Variants in STAG2 observed in about 807,000 individuals in gnomAD.
STAG2 encodes the protein STAG2 cohesin complex component.
In STAG2, 14 loss-of-function variants were observed where a neutral mutation model predicts 108.1. That is an observed-to-expected ratio of 0.13 (90% confidence interval 0.09 to 0.20). The LOEUF (loss-of-function observed/expected upper bound fraction) is 0.20, where lower values mean the gene tolerates loss of function less well. STAG2 is among the 10% of genes least tolerant of loss of function. The pLI is 1.00. For synonymous variants in STAG2, 307 were observed against 302.7 expected (o/e 1.01, Z -0.15); for missense variants, 440 against 940.9 (o/e 0.47, Z 6.96).
chrX:124,010,054 C>T (rs1335034054), intron 1 of STAG2, among the ~76,000 whole-genome samples: 2 of 111,045 alleles, frequency 1.8e-5, no homozygotes, highest in Non-Finnish European at 3.8e-5. Flanking sequence ...CTTAAATGAT[C>T]GATGATTTAA....
At chrX:124,050,781 A>G (rs1255657761) in intron 11 of STAG2, among the ~76,000 whole-genome samples, 2 of 111,831 alleles carry the variant, frequency 1.8e-5, no homozygotes, top group African/African-American at 6.5e-5. Context: ...TGCCTTGAAG[A>G]AATTGATTGT....
chrX:124,036,426 C>T (rs1307053672), intron 5 of STAG2, among the ~76,000 whole-genome samples: 2 of 111,650 alleles, frequency 1.8e-5, no homozygotes, highest in African/African-American at 6.5e-5. Context: ...GCTCTCTTGC[C>T]CAGGCGGGAG....
intron 1 of STAG2, among the ~76,000 whole-genome samples, chrX:123,970,797 C>G (rs1410442037): frequency 8.9e-6 from 1 of 112,122 alleles, no homozygotes; most frequent in Non-Finnish European, 1.9e-5. Context: ...TAACTGAACT[C>G]TTACCATATG....
At chrX:123,961,177 C>CT (rs1436765268), upstream of STAG2, 4 of 107,304 alleles carry the variant, frequency 3.7e-5, no homozygotes. Flanking sequence ...TCCAGCCCCC[C>CT]TTCCTCCCTA....
At chrX:124,081,042 C>T (rs1394330232) in intron 27 of STAG2, among the ~76,000 whole-genome samples, 1 of 110,781 alleles carries the variant, frequency 9.0e-6, no homozygotes, top group African/African-American at 3.3e-5. Context: ...AAAGATTCAC[C>T]ACTTAAACGT....
At position 124,090,866 on chromosome X, in the gene STAG2, A is replaced by G. The variant is rs1232186001; in HGVS notation, c.3480A>G (p.Thr1160=). 3.3e-6 allele frequency: 4 copies of G among 1,211,273 alleles called. No individual in the cohort carries two copies. The highest frequency in any genetic ancestry group is 4.5e-6 in the Non-Finnish European group (4 of 894,964). The change falls in exon 32 of 35, where the codon ACA becomes ACG. Residue 1160 remains threonine (T), a synonymous_variant. Coordinates refer to ENST00000371145, the MANE Select transcript of STAG2 (RefSeq NM_001042750.2). ...ATTCTCCTTGAAGCACGCAGGTAAC[A>G]TGGATGTTAGCTCAAAGACAACAAG... ...QTPLDYNTQV[T]WMLAQRQQEE...
chrX:124,082,912 T>G (rs1467565482), intron 28 of STAG2, among the ~76,000 whole-genome samples: 1 of 111,100 alleles, frequency 9.0e-6, no homozygotes, highest in African/African-American at 3.3e-5. Flanking sequence ...AGTTATAATG[T>G]TGGGTTGTTA....
intron 25 of STAG2, 117 bp from the exon 26 acceptor site, chrX:124,076,215 T>G (rs1281977995): frequency 2.8e-6 from 2 of 721,193 alleles, no homozygotes; most frequent in African/African-American, 2.2e-5. Flanking sequence ...AATTTTAATT[T>G]TAATGTTTTT....
At chrX:123,992,553 C>T (rs750717927) in intron 1 of STAG2, among the ~76,000 whole-genome samples, 35 of 109,888 alleles carry the variant, frequency 3.2e-4, no homozygotes, top group Middle Eastern at 4.7e-3. Flanking sequence ...CTGTGTTTTT[C>T]TTGGAGACAG....
intron 27 of STAG2, 104 bp from the exon 28 acceptor site, chrX:124,081,276 C>T: frequency 1.9e-6 from 1 of 525,286 alleles, no homozygotes; most frequent in Non-Finnish European, 2.9e-6. Context: ...AATACAGTGC[C>T]TCATTTATTG....
At chrX:124,001,193 C>A (rs978706460) in intron 1 of STAG2, among the ~76,000 whole-genome samples, 3 of 111,010 alleles carry the variant, frequency 2.7e-5, no homozygotes, top group Non-Finnish European at 5.7e-5. Flanking sequence ...TGGGTTCAAG[C>A]GATTCTCCTG....
In STAG2 at chrX:124,018,912, C is replaced by T. The variant is rs865788222; in HGVS notation, c.-162-2455C>T. Among the ~76,000 whole-genome samples the T allele has an allele frequency of 4.5e-5, 5 of 110,874 alleles. No homozygotes were observed. In the Middle Eastern group the frequency reaches 0.014, roughly 308 times the overall value. ...TAGAAACTACTAATCCCAACTCATC[C>T]GTTGGGTTCCTTCCCTTCTAAATTA... On this transcript the variant is annotated intron_variant, in intron 1 of 34. Transcript: ENST00000371145.
intron 4 of STAG2, 44 bp downstream of exon 4, chrX:124,025,962 A>C: frequency 1.1e-6 from 1 of 896,556 alleles, no homozygotes; most frequent in Non-Finnish European, 1.6e-6. Context: ...CTAAGATCTC[A>C]CACACACACA....
chrX:124,064,282 G>C (rs1384120234), intron 20 of STAG2, among the ~76,000 whole-genome samples: 1 of 111,046 alleles, frequency 9.0e-6, no homozygotes, highest in Admixed American at 9.6e-5. Context: ...TTTTTGTTTT[G>C]AGAAATGATC....
At chrX:123,966,870 A>G (rs950986661) in intron 1 of STAG2, among the ~76,000 whole-genome samples, 2 of 111,737 alleles carry the variant, frequency 1.8e-5, no homozygotes, top group Non-Finnish European at 3.8e-5. Context: ...TGGTTATTGT[A>G]GTAAGTCAAG....
intron 25 of STAG2, 74 bp from the exon 26 acceptor site, chrX:124,076,258 C>T: frequency 1.0e-6 from 1 of 959,718 alleles, no homozygotes; most frequent in East Asian, 3.2e-5. Flanking sequence ...AAGCATGTTT[C>T]ATAGTGAGAA....
chrX:124,018,446 TTGGATGGA>T (rs59257430), intron 1 of STAG2, among the ~76,000 whole-genome samples: 2,028 of 102,738 alleles, frequency 0.02, 49 homozygotes, highest in African/African-American at 0.064. Flanking sequence ...GGGAAACACA[TTGGATGGA>T]TGGATGGATG....
chrX:123,993,776 A>C (rs1033553298), intron 1 of STAG2, among the ~76,000 whole-genome samples: 1 of 111,911 alleles, frequency 8.9e-6, no homozygotes. Context: ...ATACAGATCT[A>C]CTGAATGAGT....
rs192666128 is a variant in STAG2, at chrX:123,976,379, C to T, written c.-163+14523C>T. Reference sequence around the variant, plus strand: ...TATAAATATATAGTATTTGAATGTACAATATTGGCAAATATCCAGATTTAT... The same window carrying T: ...TATAAATATATAGTATTTGAATGTATAATATTGGCAAATATCCAGATTTAT... On this transcript the variant is annotated intron_variant, in intron 1 of 34. Coordinates refer to ENST00000371145, the MANE Select transcript of STAG2 (RefSeq NM_001042750.2). Among the ~76,000 whole-genome samples the T allele has an allele frequency of 6.3e-3, 710 of 112,060 alleles. 10 individuals are homozygous for T. Among genetic ancestry groups the T allele is most frequent in the African/African-American group, 0.022 (676 of 30,867 alleles).
Sources: gnomAD v4.1 joint callset for allele counts (sites outside exome capture counted in the v4.1 genomes callset) on GRCh38, gnomAD v4.1.1 for gene constraint, MANE v1.5 for transcripts, NCBI Gene and HGNC (gene_info 2026-07-23, HGNC 2026-07-21) for gene names.